Variants in COPG2 observed in about 807,000 individuals in gnomAD.
COPG2 encodes coat protein complex I subunit gamma 2, also known as coatomer subunit gamma-2.
A neutral mutation model predicts 46.3 loss-of-function variants in COPG2; 37 were observed. The ratio of observed to expected loss-of-function variants is 0.80; its 90% CI spans 0.61 to 1.05. The LOEUF (loss-of-function observed/expected upper bound fraction) is 1.05. Ranked by LOEUF, COPG2 falls within the 50% of genes least tolerant of loss-of-function variation. The pLI is 0.00. For synonymous variants in COPG2, 159 were observed against 129.7 expected (o/e 1.23, Z -1.53); for missense variants, 427 against 387.8 (o/e 1.10, Z -0.85).
At chr7:130,507,491 G>T in intron 22 of COPG2, 119 bp from the exon 23 acceptor site, 1 of 717,382 alleles carries the variant, frequency 1.4e-6, no homozygotes. Context: ...GGTTGTTGGT[G>T]ATGTGTAGAG....
chr7:130,537,702 AC>A (rs1447178952), intron 20 of COPG2, among the ~76,000 whole-genome samples: 7 of 152,252 alleles, frequency 4.6e-5, no homozygotes, highest in African/African-American at 1.7e-4. Context: ...CAGGGAATGT[AC>A]TGCAGCAAGG....
At chr7:130,596,160 C>T (rs1231085110) in intron 9 of COPG2, among the ~76,000 whole-genome samples, 1 of 152,196 alleles carries the variant, frequency 6.6e-6, no homozygotes, top group African/African-American at 2.4e-5. Context: ...TGCCAAGGAG[C>T]ATTATGACTT....
At chr7:130,582,099 C>A (rs1794158196) in intron 9 of COPG2, among the ~76,000 whole-genome samples, 1 of 149,892 alleles carries the variant, frequency 6.7e-6, no homozygotes, top group Non-Finnish European at 1.5e-5. Context: ...TCAAACTATA[C>A]TACAAGGCTA....
At chr7:130,519,159 C>T (rs1361591389) in intron 20 of COPG2, among the ~76,000 whole-genome samples, 1 of 151,874 alleles carries the variant, frequency 6.6e-6, no homozygotes, top group Non-Finnish European at 1.5e-5. Context: ...TAAGGAGGGC[C>T]GGGATGAGGA....
Position 130,569,391 on chromosome 7 carries a change from G to C in COPG2, c.738-4998C>G, listed in dbSNP as rs1013126369. On this transcript the variant is annotated intron_variant, in intron 9 of 23. Transcript: ENST00000425248. ...GGGAGATATTAAAACCAAAATACTA[G>C]AGAAATACAAAAGATCATTCAAGGC... Among the ~76,000 whole-genome samples, 3 of 151,844 alleles carry C rather than the reference G, an allele frequency of 2.0e-5. No individual in the cohort carries two copies. The East Asian group carries it at 5.8e-4, about 29-fold the overall frequency.
intron 5 of COPG2, among the ~76,000 whole-genome samples, chr7:130,626,501 G>T (rs1270129217): frequency 6.7e-6 from 1 of 149,564 alleles, no homozygotes; most frequent in Non-Finnish European, 1.5e-5. Context: ...CACCCAACTC[G>T]GCCTCCCAAA....
At chr7:130,613,306 G>A (rs966055804) in intron 7 of COPG2, among the ~76,000 whole-genome samples, 5 of 152,270 alleles carry the variant, frequency 3.3e-5, no homozygotes, top group Non-Finnish European at 5.9e-5. Flanking sequence ...AGCAATGCTC[G>A]CTTGCCTGCC....
At chr7:130,568,254 A>C (rs914363397) in intron 9 of COPG2, among the ~76,000 whole-genome samples, 5 of 152,092 alleles carry the variant, frequency 3.3e-5, no homozygotes, top group Non-Finnish European at 5.9e-5. Context: ...CAGCCTGGGC[A>C]ACAGGAGCGA....
chr7:130,658,714 A>G (rs923878911), intron 4 of COPG2, among the ~76,000 whole-genome samples: 5 of 151,524 alleles, frequency 3.3e-5, no homozygotes, highest in African/African-American at 4.9e-5. Context: ...GGAGTCTTGC[A>G]CTGTTACCTG....
chr7:130,607,857 T>C (rs916378011), intron 9 of COPG2: 13 of 517,266 alleles, frequency 2.5e-5, no homozygotes, highest in Admixed American at 1.2e-4. Flanking sequence ...CCCCACAAAT[T>C]TCACCCAGTA....
chr7:130,666,084 C>T (rs1796074136), intron 3 of COPG2, among the ~76,000 whole-genome samples: 1 of 152,146 alleles, frequency 6.6e-6, no homozygotes, highest in Admixed American at 6.5e-5. Flanking sequence ...TTAGTCATTA[C>T]AACTCTGTAA....
chr7:130,533,073 G>A (rs1379217053), intron 20 of COPG2, among the ~76,000 whole-genome samples: 2 of 152,080 alleles, frequency 1.3e-5, no homozygotes, highest in Non-Finnish European at 2.9e-5. Context: ...CAGAGGAGAG[G>A]TGTTTCCCAA....
chr7:130,627,079 T>C (rs782307154), intron 5 of COPG2, among the ~76,000 whole-genome samples: 4 of 152,182 alleles, frequency 2.6e-5, no homozygotes, highest in Non-Finnish European at 4.4e-5. Flanking sequence ...TTGGTAGAGA[T>C]GAGGTTTCAC....
chr7:130,528,397 C>A (rs1799793580), intron 20 of COPG2, among the ~76,000 whole-genome samples: 1 of 151,796 alleles, frequency 6.6e-6, no homozygotes, highest in Non-Finnish European at 1.5e-5. Flanking sequence ...ATAGCCTGGA[C>A]CACTGGGATG....
At chr7:130,626,841 CT>C (rs1249919461) in intron 5 of COPG2, among the ~76,000 whole-genome samples, 14 of 151,986 alleles carry the variant, frequency 9.2e-5, no homozygotes, top group Admixed American at 9.2e-4. Context: ...TGTGGTGGTC[CT>C]TTTAAATTAC....
intron 16 of COPG2, among the ~76,000 whole-genome samples, chr7:130,551,033 A>G (rs1793529134): frequency 6.6e-6 from 1 of 152,184 alleles, no homozygotes; most frequent in Admixed American, 6.5e-5. Context: ...TAAGGGCCCA[A>G]TCTATATTCT....
At chr7:130,608,718 T>TAAA (rs572332741) in intron 9 of COPG2, among the ~76,000 whole-genome samples, 1 of 152,228 alleles carries the variant, frequency 6.6e-6, no homozygotes, top group African/African-American at 2.4e-5. Context: ...GTCTTTTTTT[T>TAAA]AAAAAAAGGC....
intron 5 of COPG2, among the ~76,000 whole-genome samples, chr7:130,651,236 G>C (rs1584610378): frequency 1.3e-5 from 2 of 151,884 alleles, no homozygotes; most frequent in African/African-American, 4.8e-5. Context: ...AAGTTTAAAA[G>C]AAAATAAATA....
rs1554461977 is a variant in COPG2, at chr7:130,668,620, C to T, written c.37+12G>A. On this transcript the variant is annotated intron_variant, in intron 1 of 23. Coordinates refer to ENST00000425248, the MANE Select transcript of COPG2 (RefSeq NM_012133.6). The stretch of plus-strand genomic sequence containing the variant: ...CGCGGCTGAGGGTGGGCCTCGGAAG[C>T]CCCGCGCGTACCAGACTCCTCGTCC... 2 of 1,528,832 alleles carry T rather than the reference C, an allele frequency of 1.3e-6. No individual in the cohort carries two copies. The highest frequency in any genetic ancestry group is 1.2e-5 in the South Asian group (1 of 81,194). The allele number at this position is 1,528,832 out of a possible 1,614,324, so 94.7% of individuals were successfully genotyped here.
Sources: gnomAD v4.1 joint callset for allele counts (sites outside exome capture counted in the v4.1 genomes callset) on GRCh38, gnomAD v4.1.1 for gene constraint, MANE v1.5 for transcripts, NCBI Gene and HGNC (gene_info 2026-07-23, HGNC 2026-07-21) for gene names.